ROCK1: variants seen among roughly 807,000 people sequenced by gnomAD.
ROCK1 encodes the protein rho-associated protein kinase 1.
In ROCK1, 36 loss-of-function variants were observed where a neutral mutation model predicts 196.8. The observed-to-expected ratio is 0.18, with a 90% CI of 0.14 to 0.24. The LOEUF is 0.24. ROCK1 is among the 10% of genes least tolerant of loss of function. The probability of loss-of-function intolerance (pLI) is 1.00; values close to 1 mark genes in which losing one functional copy is unlikely to be tolerated. For synonymous variants in ROCK1, 443 were observed against 515.9 expected, an observed-to-expected ratio of 0.86 and a Z score of 1.91; for missense variants, 920 against 1,562.0, an observed-to-expected ratio of 0.59 and a Z score of 6.93.
At chr18:21,090,758 C>G (rs1255831790) in intron 1 of ROCK1, among the ~76,000 whole-genome samples, 1 of 152,122 alleles carries the variant, frequency 6.6e-6, no homozygotes, top group African/African-American at 2.4e-5. Flanking sequence ...TTATTGAAAA[C>G]TTATAATGTG....
At chr18:20,980,200 C>T (rs1473376817) in intron 21 of ROCK1, among the ~76,000 whole-genome samples, 196 bp from the exon 22 acceptor site, 2 of 151,450 alleles carry the variant, frequency 1.3e-5, no homozygotes, top group African/African-American at 4.9e-5. Context: ...ATAACAGCTC[C>T]AAACTGGAAA....
chr18:21,084,230 T>C (rs1412684557), intron 1 of ROCK1, among the ~76,000 whole-genome samples: 1 of 146,860 alleles, frequency 6.8e-6, no homozygotes, highest in Non-Finnish European at 1.5e-5. Flanking sequence ...TGATCTCTTG[T>C]ACATGAGACC....
At chr18:21,039,595 A>G (rs1398199563) in intron 8 of ROCK1, 32 bp from the exon 9 acceptor site, 4 of 1,435,026 alleles carry the variant, frequency 2.8e-6, no homozygotes, top group Non-Finnish European at 2.9e-6. Context: ...AAAGTAATCA[A>G]TCATTTAAGA....
rs147079398 is a variant in ROCK1 at position 21,017,900 on chromosome 18, G to A, written c.1361+2251C>T. Among the ~76,000 whole-genome samples the A allele has an allele frequency of 9.3e-3, 1,417 of 151,756 alleles. 17 individuals are homozygous for A. The highest frequency in any genetic ancestry group is 0.033 in the African/African-American group (1,363 of 41,376). ...AGGCAGGAGAATGCCATGAACCCGGGAGGTGGAGCTTGCAGTGAGCTGAGA... is the reference window on the plus strand; with the variant it reads ...AGGCAGGAGAATGCCATGAACCCGGAAGGTGGAGCTTGCAGTGAGCTGAGA... On this transcript the variant is annotated intron_variant, in intron 12 of 32. Coordinates refer to ENST00000399799, the MANE Select transcript of ROCK1 (RefSeq NM_005406.3).
intron 27 of ROCK1, among the ~76,000 whole-genome samples, chr18:20,960,992 C>CA (rs2035321226): frequency 1.3e-5 from 2 of 152,192 alleles, no homozygotes; most frequent in Middle Eastern, 3.4e-3. Flanking sequence ...TCAACTAGTA[C>CA]GTGCATACCA....
intron 22 of ROCK1, among the ~76,000 whole-genome samples, chr18:20,971,689 T>A (rs1409803502): frequency 7.1e-6 from 1 of 140,896 alleles, no homozygotes; most frequent in Non-Finnish European, 1.5e-5. Context: ...AATAAATAAA[T>A]AAATAAATAA....
At chr18:20,975,023 G>T (rs1037075932) in intron 22 of ROCK1, among the ~76,000 whole-genome samples, 1 of 152,206 alleles carries the variant, frequency 6.6e-6, no homozygotes, top group African/African-American at 2.4e-5. Context: ...AGTTACAATT[G>T]TAGGTGCTAG....
chr18:21,069,123 A>C (rs1374132446), intron 2 of ROCK1, among the ~76,000 whole-genome samples: 1 of 152,126 alleles, frequency 6.6e-6, no homozygotes, highest in Non-Finnish European at 1.5e-5. Flanking sequence ...TGGGGAAAGG[A>C]AGCTTCCTTC....
chr18:21,104,514 G>A (rs1015706599), intron 1 of ROCK1, among the ~76,000 whole-genome samples: 6 of 152,192 alleles, frequency 3.9e-5, no homozygotes, highest in South Asian at 2.1e-4. Flanking sequence ...GGAGAATGGC[G>A]TGAACCCAGG....
chr18:21,111,112 A>G lies in ROCK1; in HGVS notation c.-202T>C. The G allele has an allele frequency of 5.1e-6, 3 of 582,750 alleles. No homozygotes were observed. The highest frequency in any genetic ancestry group is 9.1e-6 in the Non-Finnish European group (3 of 329,520). 36.1% of individuals were successfully genotyped at this position (582,750 alleles called of 1,614,324 possible). A position where few individuals can be genotyped will look rare whatever the true frequency, so the allele number is the denominator to read the frequency against. ...CCCGGGCCGGGGGCAACAGCGACCC[A>G]CAGCCGCTCGGACGCCCAAAGTCGC... On this transcript the variant is annotated 5_prime_UTR_variant, in exon 1 of 33. Coordinates refer to ENST00000399799, the MANE Select transcript of ROCK1 (RefSeq NM_005406.3). The surrounding 1 kb of genome is among the most constrained non-coding windows in gnomAD (Gnocchi z 4.2).
At chr18:21,010,970 T>G (rs904777967) in intron 13 of ROCK1, among the ~76,000 whole-genome samples, 2 of 152,242 alleles carry the variant, frequency 1.3e-5, no homozygotes, top group African/African-American at 4.8e-5. Context: ...AAGTCTACTT[T>G]AATTGGTATT....
chr18:20,964,001 A>C (rs2035350326), intron 27 of ROCK1, among the ~76,000 whole-genome samples: 1 of 152,168 alleles, frequency 6.6e-6, no homozygotes, highest in Non-Finnish European at 1.5e-5. Context: ...TAATAACAAA[A>C]TGGCCACTAA....
rs369884842 is a variant in ROCK1 at position 21,042,719 on chromosome 18, G to A, written c.676-10C>T. 2.7e-5 allele frequency: 42 copies of A among 1,577,748 alleles called. No homozygotes were observed. Among genetic ancestry groups the A allele is most frequent in the Admixed American group, 1.3e-4 (7 of 53,314 alleles). On this transcript the variant is annotated splice_polypyrimidine_tract_variant and intron_variant, in intron 6 of 32. Transcript: ENST00000399799. ...ATCGTACCATGCCTTCCTAAAAAGC[G>A]CGGCAGGTCAAATTTTGAATTAGGA...
intron 10 of ROCK1, among the ~76,000 whole-genome samples, chr18:21,028,241 C>A (rs2035977529): frequency 1.3e-5 from 2 of 150,898 alleles, no homozygotes; most frequent in African/African-American, 4.9e-5. Context: ...CATGGTGAAA[C>A]CACATCTCTA....
intron 16 of ROCK1, among the ~76,000 whole-genome samples, chr18:20,998,854 C>T (rs559136698): frequency 3.9e-5 from 6 of 152,124 alleles, no homozygotes; most frequent in Non-Finnish European, 7.4e-5. Flanking sequence ...AGTGATCCGC[C>T]CACCTTGGCC....
At position 20,951,221 on chromosome 18, in the gene ROCK1, C is replaced by G. The variant is rs2035184021; in HGVS notation, c.*163G>C. 2 of 510,824 alleles carry G rather than the reference C, an allele frequency of 3.9e-6. No individual in the cohort carries two copies. The highest frequency in any genetic ancestry group is 6.9e-6 in the Non-Finnish European group (2 of 291,718). 31.6% of individuals were successfully genotyped at this position (510,824 alleles called of 1,614,324 possible). A position where few individuals can be genotyped will look rare whatever the true frequency, so the allele number is the denominator to read the frequency against. The stretch of plus-strand genomic sequence containing the variant: ...TAGGCAAACCCGCAATAAAAAAAAC[C>G]CTCAGTGTGTTGTGCCAAAGCAAGG... On this transcript the variant is annotated 3_prime_UTR_variant, in exon 33 of 33. Transcript: ENST00000399799.
chr18:21,044,193 G>A lies in ROCK1; in HGVS notation c.591-7C>T, dbSNP rs1286933613. The A allele has an allele frequency of 1.9e-6, 3 of 1,601,898 alleles. No individual in the cohort carries two copies. The highest frequency in any genetic ancestry group is 1.1e-5 in the South Asian group (1 of 89,582). ...GTTATCAGGCTTCACATCTCTGCAGGAGGGAAAAAATAGTACAGTATTTTC... is the reference window on the plus strand; with the variant it reads ...GTTATCAGGCTTCACATCTCTGCAGAAGGGAAAAAATAGTACAGTATTTTC... On this transcript the variant is annotated splice_polypyrimidine_tract_variant and splice_region_variant and intron_variant, in intron 5 of 32. Transcript: ENST00000399799.
intron 23 of ROCK1, 94 bp from the exon 24 acceptor site, chr18:20,969,302 G>A: frequency 1.5e-6 from 1 of 680,914 alleles, no homozygotes; most frequent in Non-Finnish European, 2.5e-6. Context: ...ATAAAGACAG[G>A]TCAGACACTG....
rs1300900573 is a variant in ROCK1 at position 20,970,625 on chromosome 18, T to C, written c.2655-112A>G. 3 of 706,238 alleles carry C rather than the reference T, an allele frequency of 4.2e-6. No individual in the cohort carries two copies. The Admixed American group carries it at 9.4e-5, about 22-fold the overall frequency. The allele number at this position is 706,238 out of a possible 1,614,324, so 43.7% of individuals were successfully genotyped here. A position where few individuals can be genotyped will look rare whatever the true frequency, so the allele number is the denominator to read the frequency against. On this transcript the variant is annotated intron_variant, in intron 22 of 32. Transcript: ENST00000399799. ...TTAAATGATAAAAAGAATTATTTTA[T>C]TGCTTAAAATAAATTTAAATCCATT...
Sources: gnomAD v4.1 joint callset for allele counts (sites outside exome capture counted in the v4.1 genomes callset) on GRCh38, gnomAD v4.1.1 for gene constraint, Gnocchi (gnomAD v3.1) non-coding constraint, MANE v1.5 for transcripts, NCBI Gene and HGNC (gene_info 2026-07-23, HGNC 2026-07-21) for gene names.